HDAC4: variants seen among roughly 807,000 people sequenced by gnomAD.
HDAC4 encodes the protein histone deacetylase 4.
A neutral mutation model predicts 135.1 loss-of-function variants in HDAC4; 16 were observed. The observed-to-expected ratio is 0.12, with a 90% CI of 0.08 to 0.18. The LOEUF (loss-of-function observed/expected upper bound fraction) is 0.18. Ranked by LOEUF, HDAC4 falls within the 10% of genes least tolerant of loss-of-function variation. The pLI is 1.00. For missense variants in HDAC4, 1,143 were observed against 1,511.8 expected, an observed-to-expected ratio of 0.76 and a Z score of 4.05; for synonymous variants, 685 against 653.4, an observed-to-expected ratio of 1.05 and a Z score of -0.74.
At chr2:239,292,457 A>G (rs749475834) in intron 2 of HDAC4, among the ~76,000 whole-genome samples, 15 of 152,346 alleles carry the variant, frequency 9.8e-5, no homozygotes, top group African/African-American at 3.6e-4. Context: ...TGGAGCACAG[A>G]GCCAAACAAA....
At chr2:239,367,851 G>GT (rs1414244294) in intron 1 of HDAC4, among the ~76,000 whole-genome samples, 1 of 152,022 alleles carries the variant, frequency 6.6e-6, no homozygotes, top group Non-Finnish European at 1.5e-5. Context: ...GTGTATGTCT[G>GT]TAATTCCAGC....
At chr2:239,295,346 A>G in intron 2 of HDAC4, among the ~76,000 whole-genome samples, 1 of 150,794 alleles carries the variant, frequency 6.6e-6, no homozygotes, top group Non-Finnish European at 1.5e-5. Flanking sequence ...TGATTATAGT[A>G]AACTGGCAAG....
intron 24 of HDAC4, among the ~76,000 whole-genome samples, chr2:239,059,505 C>G (rs1445844685): frequency 6.6e-6 from 1 of 152,086 alleles, no homozygotes; most frequent in African/African-American, 2.4e-5. Context: ...ACGTGAAAGG[C>G]AGGAAACTGG....
intron 1 of HDAC4, among the ~76,000 whole-genome samples, chr2:239,385,938 G>C (rs1468365211): frequency 6.6e-6 from 1 of 152,198 alleles, no homozygotes; most frequent in Non-Finnish European, 1.5e-5. Context: ...GGTAAACAGA[G>C]GCCCAGGGAC....
chr2:239,274,179 T>C (rs529389306), intron 2 of HDAC4, among the ~76,000 whole-genome samples: 7 of 152,328 alleles, frequency 4.6e-5, no homozygotes, highest in Admixed American at 3.9e-4. Context: ...GTGAAGGTGC[T>C]AGATTTGGAC....
At chr2:239,301,046 CCTG>C (rs1383022281) in intron 2 of HDAC4, among the ~76,000 whole-genome samples, 2 of 152,214 alleles carry the variant, frequency 1.3e-5, no homozygotes, top group African/African-American at 2.4e-5. Context: ...GCTCATTCCT[CCTG>C]CTGCTGCTGC....
At chr2:239,232,594 T>C (rs1302517668) in intron 3 of HDAC4, among the ~76,000 whole-genome samples, 2 of 89,062 alleles carry the variant, frequency 2.2e-5, no homozygotes, top group Admixed American at 1.3e-4. Context: ...AAGCCAAGGG[T>C]GGCCCTTCCC....
At chr2:239,117,919 C>T (rs1273043181) in intron 12 of HDAC4, among the ~76,000 whole-genome samples, 1 of 152,192 alleles carries the variant, frequency 6.6e-6, no homozygotes, top group Non-Finnish European at 1.5e-5. Flanking sequence ...CCTGAAATCC[C>T]CCGAGCCCTT....
intron 12 of HDAC4, among the ~76,000 whole-genome samples, chr2:239,123,166 T>C (rs1229197588): frequency 1.3e-5 from 2 of 152,256 alleles, no homozygotes; most frequent in African/African-American, 4.8e-5. Flanking sequence ...TCAAACCTCC[T>C]ACCCCATCAC....
At position 239,306,169 on chromosome 2, in the gene HDAC4, A is replaced by G. The variant is rs182275924; in HGVS notation, c.22+46509T>C. 1.7e-3 allele frequency among the ~76,000 whole-genome samples: 266 copies of G among 152,314 alleles called. 1 individual carries two copies. Among genetic ancestry groups the G allele is most frequent in the Non-Finnish European group, 2.6e-3 (177 of 68,032 alleles). Reference sequence around the variant, plus strand: ...AGGATTCTGGGTTTGGAGGCACCCCAGCTCTTCCCTGGGAAGTCATTTTCC... The same window carrying G: ...AGGATTCTGGGTTTGGAGGCACCCCGGCTCTTCCCTGGGAAGTCATTTTCC... On this transcript the variant is annotated intron_variant, in intron 2 of 26. Transcript: ENST00000543185. The surrounding 1 kb of genome is among the most constrained non-coding windows in gnomAD (Gnocchi z 4.5).
chr2:239,161,779 G>A (rs1232375929), intron 6 of HDAC4: 1 of 425,856 alleles, frequency 2.3e-6, no homozygotes, highest in African/African-American at 2.0e-5. Context: ...GGAGTTCCAG[G>A]AAAAGTCAGT....
At chr2:239,098,143 C>A (rs1364684908) in intron 16 of HDAC4, among the ~76,000 whole-genome samples, 1 of 152,184 alleles carries the variant, frequency 6.6e-6, no homozygotes, top group East Asian at 1.9e-4. Context: ...AAAAAGTACA[C>A]GATTATGCAT....
At chr2:239,053,652 T>A in intron 25 of HDAC4, 51 bp from the exon 26 acceptor site, 1 of 1,571,152 alleles carries the variant, frequency 6.4e-7, no homozygotes, top group African/African-American at 1.3e-5. Context: ...CTTAGCAGGA[T>A]GCACTGAGGC....
chr2:239,116,934 C>T (rs2039189437), intron 12 of HDAC4, among the ~76,000 whole-genome samples: 1 of 152,232 alleles, frequency 6.6e-6, no homozygotes, highest in South Asian at 2.1e-4. Flanking sequence ...CTCCAGCACC[C>T]CCCGACCCCA....
At chr2:239,190,207 T>C (rs2044837847) in intron 3 of HDAC4, 130 bp from the exon 4 acceptor site, 3 of 1,221,202 alleles carry the variant, frequency 2.5e-6, no homozygotes, top group Non-Finnish European at 3.4e-6. Flanking sequence ...GAGGATTGGA[T>C]ACCCCTCTCC....
intron 12 of HDAC4, among the ~76,000 whole-genome samples, chr2:239,118,282 T>C (rs973083890): frequency 6.6e-6 from 1 of 152,226 alleles, no homozygotes; most frequent in African/African-American, 2.4e-5. Flanking sequence ...CGCAGATCCA[T>C]TGTTTATCTC....
chr2:239,166,804 G>A (rs1008682198), intron 5 of HDAC4, among the ~76,000 whole-genome samples: 7 of 152,240 alleles, frequency 4.6e-5, no homozygotes, highest in African/African-American at 1.2e-4. Context: ...TAAGTGAGCA[G>A]AGAACACAGA....
At chr2:239,280,315 A>T (rs13395299) in intron 2 of HDAC4, among the ~76,000 whole-genome samples, 70,960 of 152,094 alleles carry the variant, frequency 0.47, 17,561 homozygotes, top group African/African-American at 0.63. Context: ...GAAGGCCACA[A>T]GCCCTGAAAG....
intron 4 of HDAC4, among the ~76,000 whole-genome samples, chr2:239,179,303 G>A (rs1346486809): frequency 1.3e-5 from 2 of 152,212 alleles, no homozygotes; most frequent in Admixed American, 1.3e-4. Flanking sequence ...GGCCGTGGAC[G>A]GGTAGCAGCA....
Sources: allele counts gnomAD v4.1 joint callset (sites outside exome capture counted in the v4.1 genomes callset), GRCh38; gene constraint gnomAD v4.1.1; non-coding constraint Gnocchi (gnomAD v3.1); transcripts MANE v1.5; gene names NCBI Gene and HGNC (gene_info 2026-07-23, HGNC 2026-07-21).